The following KIRREL3 variants were observed in gnomAD, a reference collection of about 807,000 sequenced individuals.
The protein encoded by KIRREL3 is kin of IRRE-like protein 3.
A neutral mutation model predicts 89.7 loss-of-function variants in KIRREL3; 36 were observed. The observed-to-expected ratio is 0.40, with a 90% CI of 0.31 to 0.53. The LOEUF is 0.53. KIRREL3 is among the 20% of genes least tolerant of loss of function. KIRREL3 has a pLI of 0.49. For synonymous variants in KIRREL3, 445 were observed against 441.4 expected, an observed-to-expected ratio of 1.01 and a Z score of -0.10; for missense variants, 864 against 1,056.6, an observed-to-expected ratio of 0.82 and a Z score of 2.53.
rs1943030999 is a variant in KIRREL3, at chr11:126,609,461, C to T, written c.56-46549G>A. On this transcript the variant is annotated intron_variant, in intron 1 of 16. Coordinates refer to ENST00000525144, the MANE Select transcript of KIRREL3 (RefSeq NM_032531.4). This position sits in a 1 kb window ranked among gnomAD's most constrained non-coding sequence, Gnocchi z 5.0. ...ACATGTATGAGGACGGTCTCCTTTG[C>T]AGCCTACCTGAAGTGAATGTGAGGC... Among the ~76,000 whole-genome samples, 1 of 152,072 alleles carries T rather than the reference C, an allele frequency of 6.6e-6. No homozygotes were observed. Among genetic ancestry groups the T allele is most frequent in the South Asian group, 2.1e-4 (1 of 4,816 alleles).
At chr11:126,542,790 C>G (rs1472843359) in intron 2 of KIRREL3, among the ~76,000 whole-genome samples, 1 of 152,202 alleles carries the variant, frequency 6.6e-6, no homozygotes, top group African/African-American at 2.4e-5. Context: ...ATTAAGCAAA[C>G]TTGGTGATAG....
chr11:126,599,009 T>A (rs557790518), intron 1 of KIRREL3, among the ~76,000 whole-genome samples: 90 of 152,348 alleles, frequency 5.9e-4, no homozygotes, highest in African/African-American at 2.1e-3. Flanking sequence ...GCCTTCCGAC[T>A]TCAATGGCTG....
In KIRREL3 at chr11:126,929,433, A is replaced by G. The variant is rs1304538010; in HGVS notation, c.55+71022T>C. ...GGGGAGAGGCCTTTTGTGTACAGAA[A>G]GAAGGAGGTCAGTTCCACAAATGCT... On this transcript the variant is annotated intron_variant, in intron 1 of 16. Coordinates refer to ENST00000525144, the MANE Select transcript of KIRREL3 (RefSeq NM_032531.4). Among the ~76,000 whole-genome samples the G allele has an allele frequency of 2.0e-5, 3 of 152,212 alleles. 1 individual carries two copies. Among genetic ancestry groups the G allele is most frequent in the Non-Finnish European group, 4.4e-5 (3 of 68,032 alleles).
rs1942998988 is a variant in KIRREL3, at chr11:126,608,797, TG to T, written c.56-45886del. Among the ~76,000 whole-genome samples the T allele has an allele frequency of 6.6e-6, 1 of 152,132 alleles. No homozygotes were observed. The highest frequency in any genetic ancestry group is 1.5e-5 in the Non-Finnish European group (1 of 68,004). ...ACTGGCACAGGTGACTTGCATTTCCTGGGGCCTAACTGCTGGGAGTGCACTT... is the reference window on the plus strand; with the variant it reads ...ACTGGCACAGGTGACTTGCATTTCCTGGGCCTAACTGCTGGGAGTGCACTT... On this transcript the variant is annotated intron_variant, in intron 1 of 16. Transcript: ENST00000525144. The surrounding 1 kb of genome is among the most constrained non-coding windows in gnomAD (Gnocchi z 4.9).
rs1355848255 is a variant in KIRREL3 at position 126,946,709 on chromosome 11, G to C, written c.55+53746C>G. On this transcript the variant is annotated intron_variant, in intron 1 of 16. Transcript: ENST00000525144. This position sits in a 1 kb window ranked among gnomAD's most constrained non-coding sequence, Gnocchi z 4.1. Reference sequence around the variant, plus strand: ...TCAATGCTTGGATATCCTAATAACAGGTGTAATAATAATCACTACTCTTAT... The same window carrying C: ...TCAATGCTTGGATATCCTAATAACACGTGTAATAATAATCACTACTCTTAT... 1.3e-5 allele frequency among the ~76,000 whole-genome samples: 2 copies of C among 152,072 alleles called. No individual in the cohort carries two copies. The highest frequency in any genetic ancestry group is 4.8e-5 in the African/African-American group (2 of 41,408).
At chr11:126,507,461 C>T (rs4937144) in intron 4 of KIRREL3, among the ~76,000 whole-genome samples, 55,905 of 152,006 alleles carry the variant, frequency 0.37, 11,238 homozygotes, top group African/African-American at 0.52. Flanking sequence ...CAACCCCTCA[C>T]ACTCTGCTCT....
At chr11:126,858,402 G>T (rs1944603006) in intron 1 of KIRREL3, among the ~76,000 whole-genome samples, 1 of 152,170 alleles carries the variant, frequency 6.6e-6, no homozygotes, top group African/African-American at 2.4e-5. Context: ...GGACAGAAAG[G>T]CTGGGATGAT....
chr11:126,468,520 C>A (rs942193962), intron 5 of KIRREL3, among the ~76,000 whole-genome samples: 4 of 152,224 alleles, frequency 2.6e-5, no homozygotes, highest in African/African-American at 9.6e-5. Context: ...CCTGCCCTTC[C>A]TCCTGGGGAA....
intron 4 of KIRREL3, among the ~76,000 whole-genome samples, chr11:126,478,630 TGC>T (rs1177304909): frequency 3.3e-5 from 5 of 150,352 alleles, no homozygotes; most frequent in African/African-American, 5.0e-5. Context: ...TATGTGTGTA[TGC>T]GTGTGTATGT....
chr11:126,984,101 T>A (rs1169936223), intron 1 of KIRREL3, among the ~76,000 whole-genome samples: 1 of 152,036 alleles, frequency 6.6e-6, no homozygotes, highest in Non-Finnish European at 1.5e-5. Context: ...AGACTGAGGA[T>A]GCTAACCAGA....
intron 4 of KIRREL3, among the ~76,000 whole-genome samples, chr11:126,487,880 G>C (rs892826678): frequency 6.6e-6 from 1 of 152,234 alleles, no homozygotes; most frequent in Non-Finnish European, 1.5e-5. Flanking sequence ...ACTCCAGCAT[G>C]AGTCCTTCTG....
Position 126,996,342 on chromosome 11 carries a change from T to C in KIRREL3, c.55+4113A>G, listed in dbSNP as rs1019900139. 1.3e-5 allele frequency among the ~76,000 whole-genome samples: 2 copies of C among 152,210 alleles called. No individual in the cohort carries two copies. Among genetic ancestry groups the C allele is most frequent in the Non-Finnish European group, 2.9e-5 (2 of 68,034 alleles). On this transcript the variant is annotated intron_variant, in intron 1 of 16. Transcript: ENST00000525144. This position sits in a 1 kb window ranked among gnomAD's most constrained non-coding sequence, Gnocchi z 4.7. ...TGACATTTCTGAGTGAGTGTAAGTG[T>C]TTCCAAAGTTGCTGTTCACTCCCCA...
Position 126,607,971 on chromosome 11 carries a change from G to A in KIRREL3, c.56-45059C>T, listed in dbSNP as rs1942956735. Among the ~76,000 whole-genome samples, 4 of 152,174 alleles carry A rather than the reference G, an allele frequency of 2.6e-5. No individual in the cohort carries two copies. Among genetic ancestry groups the A allele is most frequent in the Admixed American group, 6.5e-5 (1 of 15,290 alleles). On this transcript the variant is annotated intron_variant, in intron 1 of 16. Transcript: ENST00000525144. This position sits in a 1 kb window ranked among gnomAD's most constrained non-coding sequence, Gnocchi z 6.6. ...CTCAGCCCCATCGCAGCAAGGGCCC[G>A]AGGAACGAGCACGTCAGCTGTCTCC...
At chr11:126,446,285 C>CTTTCTTTCTTTCTTT (rs111774154) in intron 9 of KIRREL3, among the ~76,000 whole-genome samples, 2 of 143,282 alleles carry the variant, frequency 1.4e-5, no homozygotes, top group African/African-American at 5.2e-5. Context: ...TTTTCTTTCT[C>CTTTCTTTCTTTCTTT]CTTTCTTTCT....
At chr11:126,503,215 T>C (rs1957917231) in intron 4 of KIRREL3, among the ~76,000 whole-genome samples, 1 of 152,214 alleles carries the variant, frequency 6.6e-6, no homozygotes, top group South Asian at 2.1e-4. Context: ...AGAAAGGCTC[T>C]GTCTCAGATC....
At chr11:126,751,269 A>G (rs1160572876) in intron 1 of KIRREL3, among the ~76,000 whole-genome samples, 1 of 152,200 alleles carries the variant, frequency 6.6e-6, no homozygotes, top group Non-Finnish European at 1.5e-5. Context: ...ACCTTCCTGG[A>G]TGCACCATCT....
At chr11:126,751,181 C>T (rs1254646414) in intron 1 of KIRREL3, among the ~76,000 whole-genome samples, 1 of 152,204 alleles carries the variant, frequency 6.6e-6, no homozygotes, top group African/African-American at 2.4e-5. Context: ...GGATGAACTT[C>T]CCCCTCAGCT....
In KIRREL3 at chr11:126,424,370, T is replaced by TCCCCCCC; in HGVS notation, c.*209_*210insGGGGGGG. On this transcript the variant is annotated 3_prime_UTR_variant, in exon 17 of 17. Coordinates refer to ENST00000525144, the MANE Select transcript of KIRREL3 (RefSeq NM_032531.4). Reference sequence around the variant, plus strand: ...CACTCAGCCGCAGCCTCTGTCTGTCTCCCCACCCGCCCACCTCTGGCACAC... The same window carrying TCCCCCCC: ...CACTCAGCCGCAGCCTCTGTCTGTCTCCCCCCCCCCCACCCGCCCACCTCTGGCACAC... 1.0e-5 allele frequency: 5 copies of TCCCCCCC among 483,208 alleles called. No homozygotes were observed. In the East Asian group the frequency reaches 1.1e-4, roughly 11 times the overall value. 29.9% of individuals were successfully genotyped at this position (483,208 alleles called of 1,614,324 possible). A position where few individuals can be genotyped will look rare whatever the true frequency, so the allele number is the denominator to read the frequency against.
At chr11:126,859,250 T>A (rs1214046731) in intron 1 of KIRREL3, among the ~76,000 whole-genome samples, 1 of 152,154 alleles carries the variant, frequency 6.6e-6, no homozygotes, top group Non-Finnish European at 1.5e-5. Flanking sequence ...AAAGCAAATA[T>A]GGAATATATT....
Sources: gnomAD v4.1 joint callset for allele counts (sites outside exome capture counted in the v4.1 genomes callset) on GRCh38, gnomAD v4.1.1 for gene constraint, Gnocchi (gnomAD v3.1) non-coding constraint, MANE v1.5 for transcripts, NCBI Gene and HGNC (gene_info 2026-07-23, HGNC 2026-07-21) for gene names.